MALRD1: variants seen among roughly 807,000 people sequenced by gnomAD.
MALRD1 encodes the protein MAM and LDL-receptor class A domain-containing protein 1.
A neutral mutation model predicts 242.1 loss-of-function variants in MALRD1; 247 were observed. The observed-to-expected ratio is 1.02, with a 90% CI of 0.92 to 1.13. The LOEUF (loss-of-function observed/expected upper bound fraction) is 1.13. Among genes scored for constraint, MALRD1 ranks in the 50% most tolerant of loss-of-function variants. The pLI is 0.00. For synonymous variants in MALRD1, 995 were observed against 866.6 expected (o/e 1.15, Z -2.60); for missense variants, 2,989 against 2,533.1 (o/e 1.18, Z -3.86).
At chr10:19,354,354 G>A (rs574370476) in intron 26 of MALRD1, among the ~76,000 whole-genome samples, 1 of 152,166 alleles carries the variant, frequency 6.6e-6, no homozygotes, top group South Asian at 2.1e-4. Flanking sequence ...AATAATACAA[G>A]ATGGCAAGTG....
In MALRD1 at chr10:19,621,163, A is replaced by T. The variant is rs574468101; in HGVS notation, c.6137+5240A>T. Among the ~76,000 whole-genome samples the T allele has an allele frequency of 5.3e-5, 8 of 151,810 alleles. No individual in the cohort carries two copies. The East Asian group carries it at 1.2e-3, about 22-fold the overall frequency. On this transcript the variant is annotated intron_variant, in intron 36 of 39. Transcript: ENST00000454679. ...TTTGTTAAAAATAAAATTCAGTTAG[A>T]ACACTTCCCCTCCCCACCCAAAAAA...
chr10:19,412,033 T>C (rs1432904429), intron 28 of MALRD1, among the ~76,000 whole-genome samples: 1 of 152,216 alleles, frequency 6.6e-6, no homozygotes, highest in East Asian at 1.9e-4. Context: ...GTGCAGTGAC[T>C]CACACCTGCA....
At chr10:19,284,797 T>TC (rs1287135815) in intron 21 of MALRD1, among the ~76,000 whole-genome samples, 1 of 51,446 alleles carries the variant, frequency 1.9e-5, no homozygotes, top group African/African-American at 9.2e-5. Flanking sequence ...AAATGGTATT[T>TC]CTAGTTCTAG....
chr10:19,607,154 G>T (rs1039091863), intron 34 of MALRD1, among the ~76,000 whole-genome samples: 1 of 152,176 alleles, frequency 6.6e-6, no homozygotes, highest in East Asian at 1.9e-4. Flanking sequence ...AGTCAGATCA[G>T]TGTCTGCTTG....
intron 24 of MALRD1, among the ~76,000 whole-genome samples, chr10:19,337,795 G>C (rs1186547855): frequency 6.6e-6 from 1 of 151,956 alleles, no homozygotes; most frequent in Non-Finnish European, 1.5e-5. Context: ...GGGTGCGGTG[G>C]TTCACGACTG....
At chr10:19,653,357 C>T (rs1840980456) in intron 36 of MALRD1, among the ~76,000 whole-genome samples, 1 of 152,028 alleles carries the variant, frequency 6.6e-6, no homozygotes, top group Admixed American at 6.6e-5. Context: ...CCACCACACT[C>T]AGCCAATTTT....
chr10:19,165,265 A>ATTTTTTTTTTTTG (rs1456757761), intron 12 of MALRD1, among the ~76,000 whole-genome samples: 20 of 130,288 alleles, frequency 1.5e-4, no homozygotes, highest in African/African-American at 6.2e-4. Context: ...ATATATATAT[A>ATTTTTTTTTTTTG]TTTTGTTTTG....
chr10:19,726,484 C>G (rs1418590540), intron 38 of MALRD1, among the ~76,000 whole-genome samples: 1 of 152,034 alleles, frequency 6.6e-6, no homozygotes, highest in Non-Finnish European at 1.5e-5. Context: ...AATAGAAACC[C>G]TCACACATTG....
chr10:19,355,918 T>TTA (rs1305189360), intron 26 of MALRD1, among the ~76,000 whole-genome samples: 3 of 143,826 alleles, frequency 2.1e-5, no homozygotes, highest in Non-Finnish European at 4.5e-5. Context: ...TATGCTGAGG[T>TTA]TATATATCAT....
intron 26 of MALRD1, among the ~76,000 whole-genome samples, chr10:19,385,765 G>A (rs1480225149): frequency 1.3e-5 from 2 of 151,464 alleles, no homozygotes; most frequent in Non-Finnish European, 2.9e-5. Context: ...TTTTTGTTCT[G>A]CTAACTTCGG....
intron 28 of MALRD1, among the ~76,000 whole-genome samples, chr10:19,400,654 G>A (rs1253737990): frequency 1.3e-5 from 2 of 152,138 alleles, no homozygotes; most frequent in African/African-American, 4.8e-5. Context: ...AATATTTATA[G>A]ACTGAAAGTG....
intron 38 of MALRD1, chr10:19,728,449 A>G (rs2131932769): frequency 6.6e-6 from 1 of 152,340 alleles, no homozygotes; most frequent in South Asian, 2.1e-4. Context: ...CTGGAGTCCC[A>G]GCAGTTTAAG....
At chr10:19,066,662 T>C in intron 1 of MALRD1, 57 bp from the exon 2 acceptor site, 2 of 1,197,786 alleles carry the variant, frequency 1.7e-6, no homozygotes, top group Non-Finnish European at 1.0e-6. Flanking sequence ...GCTATTGTCT[T>C]ATTTTTTAAA....
chr10:19,383,757 A>G (rs1187000168), intron 26 of MALRD1, among the ~76,000 whole-genome samples: 4 of 151,942 alleles, frequency 2.6e-5, no homozygotes, highest in African/African-American at 9.7e-5. Context: ...CAAAAACTTT[A>G]TGGGCTGCCT....
intron 14 of MALRD1, among the ~76,000 whole-genome samples, chr10:19,185,143 A>G (rs16918324): frequency 0.01 from 1,534 of 152,324 alleles, 25 homozygotes; most frequent in African/African-American, 0.035. Flanking sequence ...TATGTGTCAA[A>G]TAGTATAAAT....
At chr10:19,410,150 T>G (rs1833214731) in intron 28 of MALRD1, among the ~76,000 whole-genome samples, 1 of 152,192 alleles carries the variant, frequency 6.6e-6, no homozygotes, top group Non-Finnish European at 1.5e-5. Flanking sequence ...CTTATAGTTT[T>G]TTGTCAGTTT....
intron 38 of MALRD1, among the ~76,000 whole-genome samples, chr10:19,708,590 C>T (rs1168988014): frequency 8.9e-6 from 1 of 112,284 alleles, no homozygotes; most frequent in Non-Finnish European, 2.0e-5. Context: ...AAGTGATTCT[C>T]CTGCCGGGGC....
At chr10:19,315,574 T>TAA (rs1213390792) in intron 21 of MALRD1, among the ~76,000 whole-genome samples, 11,000 of 94,902 alleles carry the variant, frequency 0.12, 1,487 homozygotes, top group Non-Finnish European at 0.17. Flanking sequence ...TATAAATATA[T>TAA]AAATTATAAA....
At chr10:19,394,240 G>T (rs1403450870) in intron 28 of MALRD1, among the ~76,000 whole-genome samples, 1 of 152,142 alleles carries the variant, frequency 6.6e-6, no homozygotes, top group African/African-American at 2.4e-5. Context: ...TTTAGAGTTG[G>T]TGGGGTCTTA....
Sources: gnomAD v4.1 joint callset for allele counts (sites outside exome capture counted in the v4.1 genomes callset) on GRCh38, gnomAD v4.1.1 for gene constraint, MANE v1.5 for transcripts, NCBI Gene and HGNC (gene_info 2026-07-23, HGNC 2026-07-21) for gene names.